The following SGCZ variants were observed in gnomAD, a reference collection of about 807,000 sequenced individuals.
SGCZ encodes sarcoglycan zeta, also known as zeta-sarcoglycan.
A neutral mutation model predicts 41.3 loss-of-function variants in SGCZ; 40 were observed. That is an observed-to-expected ratio of 0.97 (90% CI 0.75 to 1.26). The LOEUF (loss-of-function observed/expected upper bound fraction) is 1.26. SGCZ is among the 50% of genes most tolerant of loss of function. The pLI, the probability that SGCZ is intolerant of heterozygous loss-of-function variation, is 0.00. For missense variants in SGCZ, 552 were observed against 369.8 expected, an observed-to-expected ratio of 1.49 and a Z score of -4.04; for synonymous variants, 206 against 137.5, an observed-to-expected ratio of 1.50 and a Z score of -3.49.
At chr8:15,004,887 T>C (rs1327160603) in intron 1 of SGCZ, among the ~76,000 whole-genome samples, 1 of 152,218 alleles carries the variant, frequency 6.6e-6, no homozygotes, top group African/African-American at 2.4e-5. Flanking sequence ...TTGTGTGCTG[T>C]TCAAATACAG....
At chr8:14,906,213 G>A (rs888341454) in intron 1 of SGCZ, among the ~76,000 whole-genome samples, 5 of 152,182 alleles carry the variant, frequency 3.3e-5, no homozygotes, top group Admixed American at 1.3e-4. Context: ...TTTTGAAGAC[G>A]CTCCCTAGAG....
intron 1 of SGCZ, among the ~76,000 whole-genome samples, chr8:14,618,910 G>A (rs1258735140): frequency 6.6e-6 from 1 of 152,048 alleles, no homozygotes; most frequent in Non-Finnish European, 1.5e-5. Context: ...AAGGAGAGGT[G>A]GAAAAGCAGT....
chr8:14,422,601 C>G (rs1222269485), intron 2 of SGCZ, among the ~76,000 whole-genome samples: 1 of 152,120 alleles, frequency 6.6e-6, no homozygotes, highest in Non-Finnish European at 1.5e-5. Context: ...TAAAACAATG[C>G]CTTGTATAAA....
At chr8:14,277,079 T>C (rs187485495) in intron 3 of SGCZ, among the ~76,000 whole-genome samples, 206 of 152,300 alleles carry the variant, frequency 1.4e-3, no homozygotes, top group African/African-American at 1.6e-3. Flanking sequence ...CAATTCTTTG[T>C]TCAAGATGCC....
intron 1 of SGCZ, among the ~76,000 whole-genome samples, chr8:14,600,988 T>C (rs1483485561): frequency 1.3e-5 from 2 of 151,028 alleles, no homozygotes; most frequent in African/African-American, 4.8e-5. Flanking sequence ...TTTTAATGCA[T>C]ATGTCTCTAT....
intron 1 of SGCZ, among the ~76,000 whole-genome samples, chr8:15,117,653 T>C (rs112080169): frequency 0.011 from 1,750 of 152,296 alleles, 30 homozygotes; most frequent in African/African-American, 0.041. Flanking sequence ...AAGATATTTG[T>C]AAGCAACTTA....
intron 1 of SGCZ, among the ~76,000 whole-genome samples, chr8:14,897,243 A>G (rs1805234584): frequency 6.6e-6 from 1 of 152,220 alleles, no homozygotes; most frequent in Non-Finnish European, 1.5e-5. Flanking sequence ...TGGTGAATAT[A>G]ATTAATAATT....
rs750167614 is a variant in SGCZ, at chr8:15,149,711, C to CAAAAAAAAAAA, written c.39+87863_39+87873dup. Among the ~76,000 whole-genome samples, 17 of 57,204 alleles carry CAAAAAAAAAAA rather than the reference C, an allele frequency of 3.0e-4. 1 individual carries two copies. Among genetic ancestry groups the CAAAAAAAAAAA allele is most frequent in the Admixed American group, 4.3e-4 (2 of 4,664 alleles). 37.5% of individuals were successfully genotyped at this position (57,204 alleles called of 152,430 possible). On this transcript the variant is annotated intron_variant, in intron 1 of 7. Transcript: ENST00000382080. ...CGACTGCTGGTATAACTATAAACTACAAAAAAAAAAAAAAAAAAAAAGCCT... is the reference window on the plus strand; with the variant it reads ...CGACTGCTGGTATAACTATAAACTACAAAAAAAAAAAAAAAAAAAAAAAAAAAAAAAAGCCT...
intron 1 of SGCZ, among the ~76,000 whole-genome samples, chr8:15,145,230 A>G (rs1008734695): frequency 1.3e-5 from 2 of 152,174 alleles, no homozygotes; most frequent in Admixed American, 1.3e-4. Context: ...TTGTACCTAT[A>G]GCTGATCAAC....
At chr8:14,994,906 A>C (rs1040330380) in intron 1 of SGCZ, among the ~76,000 whole-genome samples, 1 of 152,198 alleles carries the variant, frequency 6.6e-6, no homozygotes, top group Non-Finnish European at 1.5e-5. Flanking sequence ...TCTGCCAACA[A>C]ATTCCTCAAC....
chr8:14,427,967 G>C (rs1799833185), intron 2 of SGCZ, among the ~76,000 whole-genome samples: 1 of 152,004 alleles, frequency 6.6e-6, no homozygotes, highest in Admixed American at 6.6e-5. Context: ...ATGATTTAAA[G>C]TATACAGGAG....
intron 1 of SGCZ, among the ~76,000 whole-genome samples, chr8:14,614,436 C>A (rs1417713673): frequency 6.6e-6 from 1 of 152,080 alleles, no homozygotes; most frequent in African/African-American, 2.4e-5. Context: ...TCTGTATATG[C>A]ATTAACAGGG....
intron 2 of SGCZ, among the ~76,000 whole-genome samples, chr8:14,452,110 G>A (rs973989405): frequency 1.3e-5 from 2 of 152,116 alleles, no homozygotes; most frequent in African/African-American, 4.8e-5. Flanking sequence ...TGGATACACA[G>A]GGACACATCC....
chr8:14,157,609 G>A (rs903685015), intron 5 of SGCZ, among the ~76,000 whole-genome samples: 12 of 151,262 alleles, frequency 7.9e-5, no homozygotes, highest in Middle Eastern at 3.4e-3. Flanking sequence ...AAAAAAACAT[G>A]GTCAGTAGAT....
chr8:14,840,008 A>T (rs1345151478), intron 1 of SGCZ, among the ~76,000 whole-genome samples: 1 of 151,864 alleles, frequency 6.6e-6, no homozygotes, highest in Non-Finnish European at 1.5e-5. Context: ...CTTTGTTTTT[A>T]CACCACTTTA....
chr8:15,018,564 G>T (rs565698443), intron 1 of SGCZ, among the ~76,000 whole-genome samples: 33 of 152,200 alleles, frequency 2.2e-4, no homozygotes, highest in African/African-American at 7.9e-4. Flanking sequence ...TGGTGCAAAG[G>T]CCCCCAACTC....
At chr8:15,062,078 A>G (rs1464797760) in intron 1 of SGCZ, among the ~76,000 whole-genome samples, 1 of 152,174 alleles carries the variant, frequency 6.6e-6, no homozygotes, top group Admixed American at 6.5e-5. Context: ...TAGTTGAAAG[A>G]GTAAAAATTT....
At chr8:15,028,136 G>A (rs1803522664) in intron 1 of SGCZ, among the ~76,000 whole-genome samples, 2 of 152,178 alleles carry the variant, frequency 1.3e-5, no homozygotes, top group Non-Finnish European at 2.9e-5. Context: ...CACTACAACT[G>A]TCCCTGGACT....
At chr8:14,142,726 G>A (rs370200367) in intron 5 of SGCZ, among the ~76,000 whole-genome samples, 4 of 152,186 alleles carry the variant, frequency 2.6e-5, no homozygotes, top group Admixed American at 2.6e-4. Context: ...GGGAGGTGAC[G>A]AGGCCATGGA....
Sources: gnomAD v4.1 joint callset for allele counts (sites outside exome capture counted in the v4.1 genomes callset) on GRCh38, gnomAD v4.1.1 for gene constraint, MANE v1.5 for transcripts, NCBI Gene and HGNC (gene_info 2026-07-23, HGNC 2026-07-21) for gene names.